Variants in ABTB3 observed in about 807,000 individuals in gnomAD.
The protein encoded by ABTB3 is ankyrin repeat and BTB domain containing 3.
the ABTB3 span, among the ~76,000 whole-genome samples, chr12:107,656,968 G>C: frequency 1.3e-5 from 2 of 152,110 alleles, no homozygotes; most frequent in Admixed American, 1.3e-4. Context: ...ACTTGAACCC[G>C]GGAGGTGGAG....
the ABTB3 span, among the ~76,000 whole-genome samples, chr12:107,331,773 C>A: frequency 6.6e-6 from 1 of 152,302 alleles, no homozygotes; most frequent in East Asian, 1.9e-4. Context: ...TTTGGAAGCC[C>A]TCCCCACCCT....
chr12:107,535,362 A>C, the ABTB3 span, among the ~76,000 whole-genome samples: 7 of 152,190 alleles, frequency 4.6e-5, no homozygotes, highest in African/African-American at 9.7e-5. Flanking sequence ...TGCCCTAAGA[A>C]ATGGAACAAG....
the ABTB3 span, among the ~76,000 whole-genome samples, chr12:107,646,080 G>A: frequency 0.019 from 2,933 of 152,302 alleles, 93 homozygotes; most frequent in African/African-American, 0.066. Flanking sequence ...TTAACATCAC[G>A]CGCCGGCAAG....
chr12:107,525,073 C>A, the ABTB3 span, among the ~76,000 whole-genome samples: 1 of 151,998 alleles, frequency 6.6e-6, no homozygotes, highest in Admixed American at 6.5e-5. Context: ...CACCTGTAAT[C>A]CCAGCACTTT....
chr12:107,615,185 A>G, the ABTB3 span: 2 of 1,581,614 alleles, frequency 1.3e-6, no homozygotes, highest in Non-Finnish European at 1.7e-6. Context: ...TTCCCTATCC[A>G]CATCTGACTT....
the ABTB3 span, among the ~76,000 whole-genome samples, chr12:107,416,153 C>T: frequency 4.5e-4 from 68 of 152,258 alleles, no homozygotes; most frequent in Non-Finnish European, 8.4e-4. Context: ...CGTGTCATGA[C>T]GGAGCCCAGA....
At chr12:107,618,871 C>T in the ABTB3 span, among the ~76,000 whole-genome samples, 12 of 152,202 alleles carry the variant, frequency 7.9e-5, no homozygotes, top group African/African-American at 2.9e-4. Context: ...GGTGAGGGCG[C>T]CCCTTTCTTA....
chr12:107,459,013 T>A, the ABTB3 span, among the ~76,000 whole-genome samples: 1 of 152,180 alleles, frequency 6.6e-6, no homozygotes, highest in Admixed American at 6.5e-5. Flanking sequence ...TTTGCAGTGT[T>A]CTGTATTAGT....
At chr12:107,447,357 G>C in the ABTB3 span, among the ~76,000 whole-genome samples, 1 of 152,174 alleles carries the variant, frequency 6.6e-6, no homozygotes, top group Non-Finnish European at 1.5e-5. Context: ...GGTCAGGCTA[G>C]TCTCAAACTC....
the ABTB3 span, among the ~76,000 whole-genome samples, chr12:107,334,097 G>A: frequency 3.9e-5 from 6 of 152,240 alleles, no homozygotes; most frequent in African/African-American, 1.4e-4. Context: ...TGAAAGCACA[G>A]GGTCACCGTA....
chr12:107,378,724 A>G, the ABTB3 span, among the ~76,000 whole-genome samples: 1 of 152,126 alleles, frequency 6.6e-6, no homozygotes, highest in Non-Finnish European at 1.5e-5. Flanking sequence ...CTGACTGTTC[A>G]TGCCCAAACC....
At chr12:107,366,810 T>C in the ABTB3 span, among the ~76,000 whole-genome samples, 1 of 152,226 alleles carries the variant, frequency 6.6e-6, no homozygotes, top group African/African-American at 2.4e-5. Flanking sequence ...TCCTTGCATC[T>C]GAGTTACTGA....
chr12:107,562,413 A>G, the ABTB3 span, among the ~76,000 whole-genome samples: 2 of 152,250 alleles, frequency 1.3e-5, no homozygotes, highest in African/African-American at 4.8e-5. Flanking sequence ...AGCAAGCCAT[A>G]TGGATATCTG....
the ABTB3 span, chr12:107,610,249 T>A: frequency 6.2e-7 from 1 of 1,614,154 alleles, no homozygotes; most frequent in South Asian, 1.1e-5. Flanking sequence ...GAAGCCAAGT[T>A]TAAGCAGGAC....
At chr12:107,319,052 T>G in the ABTB3 span, 1 of 1,613,706 alleles carries the variant, frequency 6.2e-7, no homozygotes, top group Admixed American at 1.7e-5. Flanking sequence ...GTCTTTGTGC[T>G]GTTCCGACTC....
chr12:107,605,233 GT>G, the ABTB3 span, among the ~76,000 whole-genome samples: 1 of 152,224 alleles, frequency 6.6e-6, no homozygotes, highest in Non-Finnish European at 1.5e-5. Flanking sequence ...CACAGTGTGT[GT>G]CAGGCACTGA....
chr12:107,582,312 G>A, the ABTB3 span, among the ~76,000 whole-genome samples: 1 of 152,222 alleles, frequency 6.6e-6, no homozygotes, highest in Non-Finnish European at 1.5e-5. Flanking sequence ...AGTAGGTACT[G>A]TGATTATGCT....
the ABTB3 span, among the ~76,000 whole-genome samples, chr12:107,491,822 CAAA>C: frequency 3.2e-5 from 2 of 61,806 alleles, no homozygotes; most frequent in Non-Finnish European, 7.3e-5. Flanking sequence ...GACTCTGTCT[CAAA>C]AAAAAAAAAA....
At chr12:107,503,951 A>G in the ABTB3 span, among the ~76,000 whole-genome samples, 1 of 152,128 alleles carries the variant, frequency 6.6e-6, no homozygotes, top group Non-Finnish European at 1.5e-5. Context: ...TGCAACTCCC[A>G]GAACAGGTGC....
Sources: allele counts gnomAD v4.1 joint callset (sites outside exome capture counted in the v4.1 genomes callset), GRCh38; gene constraint gnomAD v4.1.1; transcripts MANE v1.5; gene names NCBI Gene and HGNC (gene_info 2026-07-23, HGNC 2026-07-21).